The following PLAA variants were observed in gnomAD, a reference collection of about 807,000 sequenced individuals.
The protein encoded by PLAA is phospholipase A-2-activating protein.
In PLAA, 48 loss-of-function variants were observed where a neutral mutation model predicts 84.1. The observed-to-expected ratio is 0.57, with a 90% CI of 0.45 to 0.73. PLAA has a LOEUF of 0.73. Ranked by LOEUF, PLAA falls within the 30% of genes least tolerant of loss-of-function variation. The pLI is 0.00. For synonymous variants in PLAA, 392 were observed against 336.6 expected, an observed-to-expected ratio of 1.16 and a Z score of -1.80; for missense variants, 903 against 954.7, an observed-to-expected ratio of 0.95 and a Z score of 0.71.
chr9:26,923,142 G>A, intron 7 of PLAA, 36 bp downstream of exon 7: 1 of 1,439,354 alleles, frequency 6.9e-7, no homozygotes, highest in Non-Finnish European at 9.4e-7. Context: ...GCCAAATATG[G>A]TGAATTTTTT....
intron 1 of PLAA, among the ~76,000 whole-genome samples, chr9:26,935,995 CA>C (rs1825346811): frequency 6.6e-6 from 1 of 151,930 alleles, no homozygotes; most frequent in Admixed American, 6.6e-5. Context: ...GTTCAACCAG[CA>C]GATTATGATT....
intron 9 of PLAA, among the ~76,000 whole-genome samples, chr9:26,918,392 T>A (rs1824642418): frequency 1.3e-5 from 2 of 150,658 alleles, no homozygotes; most frequent in African/African-American, 4.9e-5. Flanking sequence ...CCTCCCAAAG[T>A]GCTGGGATTA....
At chr9:26,937,171 A>C (rs1285287412) in intron 1 of PLAA, among the ~76,000 whole-genome samples, 1 of 152,102 alleles carries the variant, frequency 6.6e-6, no homozygotes, top group African/African-American at 2.4e-5. Context: ...GCTGATGTCC[A>C]TTCCCCTAAC....
chr9:26,933,650 G>A (rs1169927436), intron 2 of PLAA, among the ~76,000 whole-genome samples: 3 of 151,098 alleles, frequency 2.0e-5, no homozygotes, highest in Admixed American at 6.6e-5. Context: ...TTAGCCGGGC[G>A]TGGTAGCAGG....
At position 26,947,055 on chromosome 9, in the gene PLAA, C is replaced by T. The variant is rs760915339; in HGVS notation, c.-10G>A. 1.9e-6 allele frequency: 3 copies of T among 1,567,592 alleles called. No individual in the cohort carries two copies. The highest frequency in any genetic ancestry group is 2.7e-5 in the African/African-American group (2 of 73,904). On this transcript the variant is annotated 5_prime_UTR_variant, in exon 1 of 14. Transcript: ENST00000397292. ...TTGCGCCGCTCGTCATGGCCAGTGT[C>T]TGTCTGGCGCCCGGTGCCCAGGCAC...
chr9:26,905,858 C>T lies in PLAA; in HGVS notation c.2041G>A (p.Glu681Lys). The T allele has an allele frequency of 1.2e-6, 2 of 1,614,100 alleles. No individual in the cohort carries two copies. The highest frequency in any genetic ancestry group is 1.7e-6 in the Non-Finnish European group (2 of 1,179,998). The change falls in exon 14 of 14, where the codon GAA becomes AAA. Residue 681 changes from glutamate to lysine, a missense_variant. Glu to Lys is a moderately conservative substitution (Grantham distance 56). Coordinates refer to ENST00000397292, the MANE Select transcript of PLAA (RefSeq NM_001031689.3). ...AGQKLMMSQR[E>K]SLMSHAIELK... ...TCTATTGCATGGGACATCAGTGATT[C>T]CCTCTGGGACATCATGAGTTTTTGT...
At chr9:26,930,475 C>A (rs1407725226) in intron 2 of PLAA, among the ~76,000 whole-genome samples, 5 of 152,048 alleles carry the variant, frequency 3.3e-5, no homozygotes, top group Admixed American at 3.3e-4. Context: ...GAGAGAAAGC[C>A]CCATTAGCCT....
intron 11 of PLAA, among the ~76,000 whole-genome samples, chr9:26,912,187 T>A (rs1587152040): frequency 6.6e-6 from 1 of 151,798 alleles, no homozygotes; most frequent in Non-Finnish European, 1.5e-5. Flanking sequence ...CAAAATTAAA[T>A]AAAAAAGAAA....
chr9:26,931,270 G>C (rs1189793979), intron 2 of PLAA, among the ~76,000 whole-genome samples: 1 of 152,078 alleles, frequency 6.6e-6, no homozygotes, highest in Non-Finnish European at 1.5e-5. Flanking sequence ...GTCCCACATG[G>C]TAACCAGTTG....
intron 11 of PLAA, 75 bp downstream of exon 11, chr9:26,913,804 T>C: frequency 1.9e-6 from 2 of 1,054,216 alleles, no homozygotes; most frequent in South Asian, 1.5e-5. Context: ...GACACAAATT[T>C]TCTTACTCTT....
At chr9:26,933,659 G>A (rs1825259413) in intron 2 of PLAA, among the ~76,000 whole-genome samples, 1 of 150,868 alleles carries the variant, frequency 6.6e-6, no homozygotes, top group Non-Finnish European at 1.5e-5. Context: ...CGTGGTAGCA[G>A]GCGCCTGTAG....
intron 10 of PLAA, chr9:26,915,963 C>T: frequency 1.9e-5 from 19 of 985,438 alleles, no homozygotes; most frequent in Non-Finnish European, 2.3e-5. Context: ...CAGATCCTTA[C>T]TACCATTTGA....
intron 7 of PLAA, among the ~76,000 whole-genome samples, 200 bp downstream of exon 7, chr9:26,922,978 T>C (rs972216647): frequency 2.6e-5 from 4 of 152,214 alleles, no homozygotes. Flanking sequence ...TTCCTGTTTA[T>C]GAGAAGCTTA....
rs192807209 is a variant in PLAA at position 26,917,214 on chromosome 9, T to C, written c.1418-49A>G. 614 of 1,463,394 alleles carry C rather than the reference T, an allele frequency of 4.2e-4. No individual in the cohort carries two copies. In the African/African-American group the frequency reaches 7.5e-3, roughly 18 times the overall value. The allele number at this position is 1,463,394 out of a possible 1,614,324, so 90.7% of individuals were successfully genotyped here. On this transcript the variant is annotated intron_variant, in intron 9 of 13. Coordinates refer to ENST00000397292, the MANE Select transcript of PLAA (RefSeq NM_001031689.3). Reference sequence around the variant, plus strand: ...GGCAGAAGTGCACCAAAGTTCTGAATTTTTCAAACAGCACAATGCTTGTTT... The same window carrying C: ...GGCAGAAGTGCACCAAAGTTCTGAACTTTTCAAACAGCACAATGCTTGTTT...
At position 26,947,184 on chromosome 9, in the gene PLAA, G is replaced by C. The variant is rs1328242559; in HGVS notation, c.-139C>G. On this transcript the variant is annotated 5_prime_UTR_variant, in exon 1 of 14. Transcript: ENST00000397292. ...CGGAGACCGGAAGAGCCCGAGAGCC[G>C]GTACGGAAGGGCGGCTGGGAAGGGG... 2.0e-6 allele frequency: 2 copies of C among 1,018,430 alleles called. No homozygotes were observed. Among genetic ancestry groups the C allele is most frequent in the South Asian group, 1.9e-5 (1 of 53,924 alleles). The allele number at this position is 1,018,430 out of a possible 1,614,324, so 63.1% of individuals were successfully genotyped here.
At chr9:26,934,832 C>A (rs557948627) in intron 2 of PLAA, among the ~76,000 whole-genome samples, 181 bp downstream of exon 2, 12 of 152,218 alleles carry the variant, frequency 7.9e-5, no homozygotes, top group Non-Finnish European at 1.8e-4. Flanking sequence ...CTTTACTGAT[C>A]ACAACAAATT....
In PLAA at chr9:26,915,883, T is replaced by C. The variant is rs1824536984; in HGVS notation, c.1486+1214A>G. ...CCGCCAAAGTGATTTGGATTCTCAC[T>C]TGGTATTAAGTTTCAGGGCATCACT... On this transcript the variant is annotated intron_variant, in intron 10 of 13. Coordinates refer to ENST00000397292, the MANE Select transcript of PLAA (RefSeq NM_001031689.3). 8.1e-6 allele frequency: 8 copies of C among 985,416 alleles called. No homozygotes were observed. In the South Asian group the frequency reaches 1.4e-4, roughly 17 times the overall value. 61.0% of individuals were successfully genotyped at this position (985,416 alleles called of 1,614,324 possible).
Position 26,905,383 on chromosome 9 carries a change from A to G in PLAA, c.*128T>C. 5.5e-6 allele frequency: 4 copies of G among 722,902 alleles called. No individual in the cohort carries two copies. The highest frequency in any genetic ancestry group is 8.9e-6 in the Non-Finnish European group (4 of 447,158). The allele number at this position is 722,902 out of a possible 1,614,324, so 44.8% of individuals were successfully genotyped here. On this transcript the variant is annotated 3_prime_UTR_variant, in exon 14 of 14. Coordinates refer to ENST00000397292, the MANE Select transcript of PLAA (RefSeq NM_001031689.3). Reference sequence around the variant, plus strand: ...TTTATTTCTGTTTCCCCTCCCCACCACTTTACAAGATGTAAAATTTTACTT... The same window carrying G: ...TTTATTTCTGTTTCCCCTCCCCACCGCTTTACAAGATGTAAAATTTTACTT...
Position 26,905,733 on chromosome 9 carries a change from T to A in PLAA, c.2166A>T (p.Lys722Asn), listed in dbSNP as rs1485708739. ...CFHKDHNIEG[K>N]AQCLSLISTI... ...TGCTAATTAGTGACAAACATTGGGC[T>A]TTCCCTTCAATGTTATGGTCTTTAT... The change falls in exon 14 of 14, where the codon AAA becomes AAT. Residue 722 changes from lysine (K) to asparagine (N), a missense_variant. Lys to Asn is a moderately conservative substitution (Grantham distance 94, BLOSUM62 0). Transcript: ENST00000397292. The A allele has an allele frequency of 1.2e-6, 2 of 1,614,038 alleles. No homozygotes were observed. The highest frequency in any genetic ancestry group is 3.3e-5 in the Admixed American group (2 of 60,024).
Sources: gnomAD v4.1 joint callset for allele counts (sites outside exome capture counted in the v4.1 genomes callset) on GRCh38, gnomAD v4.1.1 for gene constraint, MANE v1.5 for transcripts, NCBI Gene and HGNC (gene_info 2026-07-23, HGNC 2026-07-21) for gene names.